Variants in SLC14A2 observed in about 807,000 individuals in gnomAD.
The protein encoded by SLC14A2 is urea transporter 2.
SLC14A2 carries 91 observed loss-of-function variants against 104.6 expected under a neutral mutation model. The ratio of observed to expected loss-of-function variants is 0.87; its 90% confidence interval spans 0.73 to 1.04. SLC14A2 has a LOEUF of 1.04. Among genes scored for constraint, SLC14A2 ranks in the 50% least tolerant of loss-of-function variants. The pLI is 0.00. For synonymous variants in SLC14A2, 476 were observed against 466.4 expected (o/e 1.02, Z -0.27); for missense variants, 1,189 against 1,156.0 (o/e 1.03, Z -0.41).
Position 45,289,647 on chromosome 18 carries a change from A to C in SLC14A2, c.-125+76456A>C, listed in dbSNP as rs578123471. Among the ~76,000 whole-genome samples, 19 of 152,304 alleles carry C rather than the reference A, an allele frequency of 1.2e-4. No homozygotes were observed. The South Asian group carries it at 3.3e-3, about 27-fold the overall frequency. On this transcript the variant is annotated intron_variant, in intron 1 of 20. Transcript: ENST00000586448. ...TCCCCAAATGAAAAACTCCTTTGGC[A>C]TCCTATGTGTCTCCTTGTCTATCCC...
Position 45,665,688 on chromosome 18 carries a change from C to CTTT in SLC14A2, c.1475-423_1475-421dup, listed in dbSNP as rs146248418. 1.7e-3 allele frequency among the ~76,000 whole-genome samples: 132 copies of CTTT among 79,306 alleles called. 13 individuals carry two copies. The highest frequency in any genetic ancestry group is 4.0e-3 in the African/African-American group (72 of 18,136). 52.0% of individuals were successfully genotyped at this position (79,306 alleles called of 152,430 possible). On this transcript the variant is annotated intron_variant, in intron 11 of 19. Transcript: ENST00000255226. ...AAGGGCTTCAACAACAACCAAGTTT[C>CTTT]TTTTTTTTTTTTTTTTTTTTTTTTT...
chr18:45,611,621 G>A (rs2044972912), upstream of SLC14A2, among the ~76,000 whole-genome samples: 2 of 152,200 alleles, frequency 1.3e-5, no homozygotes, highest in Admixed American at 1.3e-4. Context: ...CTAGGGAGAA[G>A]AATTAAGGAC....
At chr18:45,605,158 T>C (rs1177346643) in intron 2 of SLC14A2, among the ~76,000 whole-genome samples, 1 of 152,190 alleles carries the variant, frequency 6.6e-6, no homozygotes, top group African/African-American at 2.4e-5. Flanking sequence ...GCAATGCTGA[T>C]CTTCACGCAC....
chr18:45,214,000 C>T (rs1285507650), intron 1 of SLC14A2, among the ~76,000 whole-genome samples: 3 of 152,092 alleles, frequency 2.0e-5, no homozygotes, highest in Non-Finnish European at 4.4e-5. Flanking sequence ...AAGCATTCCC[C>T]ACCTGCCAGG....
intron 1 of SLC14A2, among the ~76,000 whole-genome samples, chr18:45,475,613 A>G: frequency 1.1e-5 from 1 of 93,200 alleles, no homozygotes; most frequent in Non-Finnish European, 2.2e-5. Context: ...TTATATATAT[A>G]TTTAGGATAT....
At chr18:45,439,943 A>G (rs572938194) in intron 1 of SLC14A2, among the ~76,000 whole-genome samples, 1 of 152,292 alleles carries the variant, frequency 6.6e-6, no homozygotes, top group East Asian at 1.9e-4. Context: ...CTTACAGGAG[A>G]GTAATTCAGC....
chr18:45,183,906 ATTTTTTTTTTTT>A, the SLC14A2 span, among the ~76,000 whole-genome samples: 3 of 62,698 alleles, frequency 4.8e-5, no homozygotes, highest in Non-Finnish European at 8.1e-5. Context: ...TAATTTTCTA[ATTTTTTTTTTTT>A]TTTTTTTTTT....
At chr18:45,648,426 C>T (rs2045664702) in intron 10 of SLC14A2, among the ~76,000 whole-genome samples, 1 of 151,972 alleles carries the variant, frequency 6.6e-6, no homozygotes, top group South Asian at 2.1e-4. Context: ...AGGATGGTCT[C>T]GATCTCCTGA....
chr18:45,628,267 A>G (rs2045292440), intron 4 of SLC14A2, among the ~76,000 whole-genome samples: 2 of 151,962 alleles, frequency 1.3e-5, no homozygotes, highest in Admixed American at 1.3e-4. Flanking sequence ...AATATGGTGA[A>G]ACCCCATCTC....
intron 4 of SLC14A2, among the ~76,000 whole-genome samples, chr18:45,628,868 A>G (rs2045302657): frequency 6.6e-6 from 1 of 152,240 alleles, no homozygotes; most frequent in Admixed American, 6.5e-5. Flanking sequence ...TCTCAAAAAA[A>G]GAAAACTGAG....
At chr18:45,259,522 G>A (rs62093660) in intron 1 of SLC14A2, among the ~76,000 whole-genome samples, 9,041 of 152,180 alleles carry the variant, frequency 0.059, 327 homozygotes, top group South Asian at 0.084. Context: ...TGTTTGGCCA[G>A]AAATAATTTA....
chr18:45,644,638 A>ACC (rs2045588360), intron 10 of SLC14A2, among the ~76,000 whole-genome samples: 1 of 152,162 alleles, frequency 6.6e-6, no homozygotes, highest in South Asian at 2.1e-4. Flanking sequence ...GACCACAAAG[A>ACC]GAGGAATTTC....
At chr18:45,546,146 T>C (rs1039183140) in intron 2 of SLC14A2, among the ~76,000 whole-genome samples, 4 of 152,208 alleles carry the variant, frequency 2.6e-5, no homozygotes, top group African/African-American at 9.6e-5. Context: ...TAGATACATG[T>C]GTTATAACCA....
intron 2 of SLC14A2, among the ~76,000 whole-genome samples, chr18:45,530,360 A>G (rs2043664379): frequency 6.6e-6 from 1 of 152,194 alleles, no homozygotes; most frequent in Admixed American, 6.5e-5. Context: ...TCTTCTCCAT[A>G]ACTCATTATT....
chr18:45,376,260 CT>C (rs2085773856), intron 1 of SLC14A2, among the ~76,000 whole-genome samples: 1 of 152,186 alleles, frequency 6.6e-6, no homozygotes, highest in Non-Finnish European at 1.5e-5. Flanking sequence ...CTCTTTGTAT[CT>C]CTCTTGCAGG....
chr18:45,663,459 G>A (rs2045963606), intron 10 of SLC14A2, among the ~76,000 whole-genome samples: 1 of 152,196 alleles, frequency 6.6e-6, no homozygotes, highest in Admixed American at 6.5e-5. Context: ...CCAAGACGCT[G>A]GCTGCCACCT....
intron 1 of SLC14A2, among the ~76,000 whole-genome samples, chr18:45,465,249 G>A (rs2087119357): frequency 1.3e-5 from 2 of 152,198 alleles, no homozygotes; most frequent in Non-Finnish European, 2.9e-5. Flanking sequence ...ATATTTGGGG[G>A]TTCAGTGAGA....
At chr18:45,209,448 C>CT (rs1473673778), upstream of SLC14A2, among the ~76,000 whole-genome samples, 9 of 151,904 alleles carry the variant, frequency 5.9e-5, no homozygotes, top group Non-Finnish European at 2.9e-5. Context: ...ATTTATGAGA[C>CT]TTTATTATGT....
chr18:45,250,414 T>TCCC (rs200660188), intron 1 of SLC14A2, among the ~76,000 whole-genome samples: 1 of 152,166 alleles, frequency 6.6e-6, no homozygotes, highest in East Asian at 1.9e-4. Flanking sequence ...GCCTAATTCT[T>TCCC]CCCCCCCTTA....
Sources: gnomAD v4.1 joint callset for allele counts (sites outside exome capture counted in the v4.1 genomes callset) on GRCh38, gnomAD v4.1.1 for gene constraint, MANE v1.5 for transcripts, NCBI Gene and HGNC (gene_info 2026-07-23, HGNC 2026-07-21) for gene names.